CBLB: variants seen among roughly 807,000 people sequenced by gnomAD.
CBLB encodes E3 ubiquitin-protein ligase CBL-B.
CBLB carries 31 observed loss-of-function variants against 104.9 expected under a neutral mutation model. The observed-to-expected ratio is 0.30, with a 90% CI of 0.22 to 0.40. The LOEUF is 0.40. Ranked by LOEUF, CBLB falls within the 10% of genes least tolerant of loss-of-function variation. CBLB has a pLI of 1.00. For missense variants in CBLB, 1,062 were observed against 1,214.6 expected (o/e 0.87, Z 1.87); for synonymous variants, 440 against 422.6 (o/e 1.04, Z -0.51).
At chr3:105,783,945 T>G (rs150184285) in intron 3 of CBLB, among the ~76,000 whole-genome samples, 1 of 152,274 alleles carries the variant, frequency 6.6e-6, no homozygotes, top group Admixed American at 6.5e-5. Context: ...CAATAAAGCT[T>G]CCCAAATGAT....
chr3:105,742,467 CAA>C (rs998931662), intron 6 of CBLB, among the ~76,000 whole-genome samples: 2 of 151,750 alleles, frequency 1.3e-5, no homozygotes, highest in Non-Finnish European at 2.9e-5. Context: ...AAGAACTTTT[CAA>C]AAAAGTCTAA....
chr3:105,662,313 GAA>G (rs1018204187), intron 18 of CBLB, among the ~76,000 whole-genome samples: 3 of 152,208 alleles, frequency 2.0e-5, no homozygotes, highest in Admixed American at 2.0e-4. Flanking sequence ...AAATGAAGAT[GAA>G]ACTATCTTCT....
chr3:105,853,927 T>G (rs1009533839), intron 2 of CBLB, among the ~76,000 whole-genome samples: 1 of 152,190 alleles, frequency 6.6e-6, no homozygotes, highest in Non-Finnish European at 1.5e-5. Flanking sequence ...TCATTGTGCA[T>G]AGCTTAAAAG....
chr3:105,837,358 C>T lies in CBLB; in HGVS notation c.419+16056G>A, dbSNP rs78616067. On this transcript the variant is annotated intron_variant, in intron 3 of 18. Coordinates refer to ENST00000394030, the MANE Select transcript of CBLB (RefSeq NM_170662.5). The stretch of plus-strand genomic sequence containing the variant: ...GATTTTTGGAGGATTCCCCAGTTGC[C>T]GAAAAGTCCTGTGTATTCAGGGTCA... Among the ~76,000 whole-genome samples the T allele has an allele frequency of 3.4e-3, 511 of 152,220 alleles. 11 individuals are homozygous for T. The East Asian group carries it at 0.046, about 14-fold the overall frequency.
At chr3:105,706,497 C>A (rs1314320047) in intron 10 of CBLB, among the ~76,000 whole-genome samples, 1 of 152,146 alleles carries the variant, frequency 6.6e-6, no homozygotes, top group African/African-American at 2.4e-5. Flanking sequence ...CAGGGCCTCA[C>A]ATGTTCCATA....
chr3:105,819,475 A>G (rs1457542237), intron 3 of CBLB, among the ~76,000 whole-genome samples: 2 of 151,864 alleles, frequency 1.3e-5, no homozygotes, highest in Non-Finnish European at 2.9e-5. Context: ...CAACAGAGCA[A>G]GACTCCACCT....
chr3:105,777,028 G>A (rs1309473336), intron 3 of CBLB, among the ~76,000 whole-genome samples: 1 of 152,100 alleles, frequency 6.6e-6, no homozygotes, highest in Non-Finnish European at 1.5e-5. Context: ...GGTATTTCAG[G>A]CAGTAGAAAC....
intron 12 of CBLB, among the ~76,000 whole-genome samples, chr3:105,695,162 G>A (rs1172833950): frequency 4.6e-5 from 7 of 151,758 alleles, no homozygotes; most frequent in Non-Finnish European, 7.4e-5. Flanking sequence ...AAAATGTAAT[G>A]TGGATTTTAT....
At chr3:105,763,390 A>G (rs1018634688) in intron 4 of CBLB, among the ~76,000 whole-genome samples, 8 of 152,194 alleles carry the variant, frequency 5.3e-5, no homozygotes, top group East Asian at 1.9e-4. Context: ...CCCAAATTTC[A>G]TCTTGAATTG....
intron 9 of CBLB, among the ~76,000 whole-genome samples, chr3:105,722,198 C>CAAAAAAAAAAAAAAAAAAAAAA (rs5851468): frequency 7.1e-5 from 6 of 84,388 alleles, no homozygotes; most frequent in African/African-American, 9.4e-5. Context: ...GACCCCGTGC[C>CAAAAAAAAAAAAAAAAAAAAAA]AAAAAAAAAA....
rs1381077853 is a variant in CBLB at position 105,656,761 on chromosome 3, TAATA to T, written c.*2205_*2208del. On this transcript the variant is annotated 3_prime_UTR_variant, in exon 19 of 19. Transcript: ENST00000394030. ...AACATTCTTATTTTACATCATTCTC[TAATA>T]TATTAGGAATGTTGCAACAATGTTA... 5.0e-6 allele frequency: 1 copy of T among 198,378 alleles called. No homozygotes were observed. The highest frequency in any genetic ancestry group is 6.1e-5 in the Admixed American group (1 of 16,498). 12.3% of individuals were successfully genotyped at this position (198,378 alleles called of 1,614,324 possible). A position where few individuals can be genotyped will look rare whatever the true frequency, so the allele number is the denominator to read the frequency against.
At chr3:105,669,110 C>CCCCA (rs1365497711) in intron 18 of CBLB, among the ~76,000 whole-genome samples, 1 of 114,130 alleles carries the variant, frequency 8.8e-6, no homozygotes, top group African/African-American at 3.3e-5. Context: ...CCATCCCCAA[C>CCCCA]TATCCATCAA....
chr3:105,863,303 C>T (rs556951122), intron 2 of CBLB, among the ~76,000 whole-genome samples: 13 of 152,316 alleles, frequency 8.5e-5, no homozygotes, highest in African/African-American at 2.9e-4. Context: ...CAAAACTGAA[C>T]TGAGTACTAA....
At chr3:105,704,257 G>T (rs2069719984) in intron 10 of CBLB, 84 bp from the exon 11 acceptor site, 1 of 1,290,220 alleles carries the variant, frequency 7.8e-7, no homozygotes, top group Non-Finnish European at 1.1e-6. Flanking sequence ...TTGGTTGGAA[G>T]AAGGTTTCTG....
intron 3 of CBLB, among the ~76,000 whole-genome samples, chr3:105,846,189 A>C (rs942630623): frequency 2.0e-5 from 3 of 152,024 alleles, no homozygotes; most frequent in African/African-American, 7.2e-5. Context: ...ATTTATTTAG[A>C]AATATTTTCT....
At chr3:105,757,404 A>G (rs2077178927) in intron 4 of CBLB, among the ~76,000 whole-genome samples, 1 of 152,196 alleles carries the variant, frequency 6.6e-6, no homozygotes, top group Non-Finnish European at 1.5e-5. Flanking sequence ...TGTATGATTT[A>G]TGATGGCATG....
At chr3:105,745,742 G>GCA (rs1450576581) in intron 6 of CBLB, among the ~76,000 whole-genome samples, 175 bp downstream of exon 6, 1 of 152,150 alleles carries the variant, frequency 6.6e-6, no homozygotes, top group Admixed American at 6.5e-5. Context: ...TTCAGAGTAA[G>GCA]CACAATGTAT....
chr3:105,826,468 A>G (rs2086597696), intron 3 of CBLB, among the ~76,000 whole-genome samples: 1 of 152,206 alleles, frequency 6.6e-6, no homozygotes, highest in Non-Finnish European at 1.5e-5. Context: ...TAGACTAATC[A>G]TTCATGTGCA....
chr3:105,685,320 C>A lies in CBLB; in HGVS notation c.2201G>T (p.Arg734Leu), dbSNP rs779236954. The A allele has an allele frequency of 3.1e-6, 5 of 1,613,446 alleles. No individual in the cohort carries two copies. In the Middle Eastern group the frequency reaches 4.9e-4, roughly 159 times the overall value. ...SHCHNVKPPVRSCDNGHCMLN... is the reference protein window; with the variant it reads ...SHCHNVKPPVLSCDNGHCMLN... ...GGCAAAAATCTGCCCATACTCTTAC[C>A]GAACAGGAGGTTTTACATTATGACA... The change falls in exon 14 of 19, where the codon CGG becomes CTG. Residue 734 changes from arginine to leucine, a missense_variant and splice_region_variant. This residue lies in a region of CBLB where 605 missense variants were observed against 582.6 expected (regional missense o/e 1.04). Transcript: ENST00000394030.
Sources: allele counts gnomAD v4.1 joint callset (sites outside exome capture counted in the v4.1 genomes callset), GRCh38; gene constraint gnomAD v4.1.1; regional missense constraint gnomAD v4.1.1; transcripts MANE v1.5; gene names NCBI Gene and HGNC (gene_info 2026-07-23, HGNC 2026-07-21).